Variants in SNAP91 observed in about 807,000 individuals in gnomAD.
The protein encoded by SNAP91 is clathrin coat assembly protein AP180.
A neutral mutation model predicts 100.3 loss-of-function variants in SNAP91; 27 were observed. The ratio of observed to expected loss-of-function variants is 0.27; its 90% confidence interval spans 0.20 to 0.37. The LOEUF is 0.37. SNAP91 is among the 10% of genes least tolerant of loss of function. SNAP91 has a pLI of 1.00. For missense variants in SNAP91, 986 were observed against 1,123.7 expected, an observed-to-expected ratio of 0.88 and a Z score of 1.75; for synonymous variants, 404 against 398.6, an observed-to-expected ratio of 1.01 and a Z score of -0.16.
At chr6:83,642,487 G>T (rs553889244) in intron 7 of SNAP91, among the ~76,000 whole-genome samples, 19 of 152,258 alleles carry the variant, frequency 1.2e-4, no homozygotes, top group African/African-American at 4.6e-4. Flanking sequence ...ATGGTTTCCA[G>T]CTTCATCCAT....
intron 2 of SNAP91, chr6:83,686,256 C>G (rs572348772): frequency 2.1e-5 from 19 of 915,822 alleles, no homozygotes; most frequent in South Asian, 1.5e-4. Flanking sequence ...TGAACCCTCA[C>G]AGGTAATAGT....
intron 16 of SNAP91, among the ~76,000 whole-genome samples, chr6:83,598,732 G>A (rs2094807233): frequency 6.6e-6 from 1 of 151,790 alleles, no homozygotes; most frequent in Non-Finnish European, 1.5e-5. Context: ...CACACAAAAT[G>A]GCCAAAGAGA....
At chr6:83,591,901 C>T (rs2093805343) in intron 21 of SNAP91, among the ~76,000 whole-genome samples, 1 of 152,152 alleles carries the variant, frequency 6.6e-6, no homozygotes, top group African/African-American at 2.4e-5. Flanking sequence ...TCTTCCTGCC[C>T]TCAGATAACA....
intron 26 of SNAP91, among the ~76,000 whole-genome samples, chr6:83,571,381 G>A (rs1055371831): frequency 2.0e-5 from 3 of 152,192 alleles, no homozygotes; most frequent in African/African-American, 7.2e-5. Context: ...GGGATTACAG[G>A]TGTTAGCCAC....
intron 2 of SNAP91, among the ~76,000 whole-genome samples, chr6:83,694,958 G>A (rs16873617): frequency 0.064 from 9,684 of 151,902 alleles, 985 homozygotes; most frequent in African/African-American, 0.22. Context: ...AATTATGGGC[G>A]TACACATACT....
At chr6:83,589,481 C>T (rs898810066) in intron 22 of SNAP91, among the ~76,000 whole-genome samples, 4 of 152,092 alleles carry the variant, frequency 2.6e-5, no homozygotes, top group African/African-American at 4.8e-5. Context: ...TTAAGCCCTA[C>T]GGAAATTAAA....
In SNAP91 at chr6:83,646,954, ATGGCATTGTGT is replaced by A. The variant is rs1349816230; in HGVS notation, c.659-5763_659-5753del. Among the ~76,000 whole-genome samples the A allele has an allele frequency of 2.6e-5, 4 of 152,260 alleles. No individual in the cohort carries two copies. In the East Asian group the frequency reaches 7.7e-4, roughly 29 times the overall value. On this transcript the variant is annotated intron_variant, in intron 7 of 29. Transcript: ENST00000369694. Reference sequence around the variant, plus strand: ...TTCATTTTAGGGAGTGCTGATGTTAATGGCATTGTGTTTTTAATTTCAAATTCTGCTTGTTC... The same window carrying A: ...TTCATTTTAGGGAGTGCTGATGTTAATTTTAATTTCAAATTCTGCTTGTTC...
intron 8 of SNAP91, among the ~76,000 whole-genome samples, chr6:83,632,139 T>A (rs927995889): frequency 6.6e-6 from 1 of 152,162 alleles, no homozygotes; most frequent in African/African-American, 2.4e-5. Context: ...AATTCTTGGC[T>A]GATAATTGTT....
rs147184637 is a variant in SNAP91 at position 83,696,632 on chromosome 6, G to C, written c.130+11166C>G. Among the ~76,000 whole-genome samples, 171 of 152,304 alleles carry C rather than the reference G, an allele frequency of 1.1e-3. 1 individual carries two copies. The highest frequency in any genetic ancestry group is 2.1e-3 in the South Asian group (10 of 4,824). On this transcript the variant is annotated intron_variant, in intron 2 of 29. Transcript: ENST00000369694. ...GCCTCTTCCTACACAGCATTCTGCA[G>C]CAGTTCTTGTTCACACCTCACCTAC...
intron 2 of SNAP91, among the ~76,000 whole-genome samples, chr6:83,705,888 A>G (rs1055955883): frequency 6.6e-6 from 1 of 151,984 alleles, no homozygotes; most frequent in African/African-American, 2.4e-5. Context: ...TATAAAGTTC[A>G]GTTCGTGCTA....
At chr6:83,606,439 T>G (rs2095620661) in intron 13 of SNAP91, among the ~76,000 whole-genome samples, 1 of 152,218 alleles carries the variant, frequency 6.6e-6, no homozygotes, top group Non-Finnish European at 1.5e-5. Flanking sequence ...CTGTAGAATC[T>G]CCAAGGAGCA....
At chr6:83,593,104 C>T (rs2094000471) in intron 19 of SNAP91, 78 bp downstream of exon 19, 5 of 1,506,908 alleles carry the variant, frequency 3.3e-6, no homozygotes, top group Non-Finnish European at 4.5e-6. Flanking sequence ...AATGCATTAT[C>T]ACAGGTGAGT....
chr6:83,571,136 C>T (rs1218386952), intron 26 of SNAP91, among the ~76,000 whole-genome samples: 3 of 151,364 alleles, frequency 2.0e-5, no homozygotes, highest in Admixed American at 6.6e-5. Context: ...GGTGGAGTCT[C>T]GCTCTGTCAC....
chr6:83,583,786 T>G (rs1831866233), intron 22 of SNAP91, among the ~76,000 whole-genome samples: 1 of 152,206 alleles, frequency 6.6e-6, no homozygotes, highest in African/African-American at 2.4e-5. Flanking sequence ...ATTTTGAAAG[T>G]GATTTCCACT....
intron 7 of SNAP91, among the ~76,000 whole-genome samples, chr6:83,653,016 T>C (rs1377303682): frequency 1.3e-5 from 2 of 152,208 alleles, no homozygotes; most frequent in African/African-American, 2.4e-5. Context: ...TTTCATGATT[T>C]ATTTATTCAT....
At chr6:83,701,641 G>T (rs1421213770) in intron 2 of SNAP91, among the ~76,000 whole-genome samples, 2 of 151,998 alleles carry the variant, frequency 1.3e-5, no homozygotes, top group Non-Finnish European at 2.9e-5. Flanking sequence ...TAGAGACGGG[G>T]TTCATCATGT....
chr6:83,650,698 A>G (rs1310169959), intron 7 of SNAP91, among the ~76,000 whole-genome samples: 1 of 152,210 alleles, frequency 6.6e-6, no homozygotes, highest in Non-Finnish European at 1.5e-5. Context: ...GATTACAGGC[A>G]TGAGCCATTG....
At chr6:83,694,990 G>C (rs1047491963) in intron 2 of SNAP91, among the ~76,000 whole-genome samples, 1 of 152,008 alleles carries the variant, frequency 6.6e-6, no homozygotes, top group African/African-American at 2.4e-5. Flanking sequence ...AAAACTGTGG[G>C]GCCGGGTGCA....
At chr6:83,625,132 C>T (rs536167532) in intron 8 of SNAP91, among the ~76,000 whole-genome samples, 1 of 152,228 alleles carries the variant, frequency 6.6e-6, no homozygotes, top group South Asian at 2.1e-4. Flanking sequence ...TAAGTGAGAA[C>T]ATGTGGTATT....
Sources: allele counts gnomAD v4.1 joint callset (sites outside exome capture counted in the v4.1 genomes callset), GRCh38; gene constraint gnomAD v4.1.1; transcripts MANE v1.5; gene names NCBI Gene and HGNC (gene_info 2026-07-23, HGNC 2026-07-21).